The following SCARA3 variants were observed in gnomAD, a reference collection of about 807,000 sequenced individuals.
SCARA3 encodes scavenger receptor class A member 3.
In SCARA3, 39 loss-of-function variants were observed where a neutral mutation model predicts 47.0. The observed-to-expected ratio is 0.83, with a 90% CI of 0.64 to 1.08. SCARA3 has a LOEUF of 1.08. Among genes scored for constraint, SCARA3 ranks in the 50% least tolerant of loss-of-function variants. The probability of loss-of-function intolerance (pLI) is 0.00; values close to 1 mark genes in which losing one functional copy is unlikely to be tolerated. For missense variants in SCARA3, 724 were observed against 792.3 expected (o/e 0.91, Z 1.04); for synonymous variants, 356 against 334.1 (o/e 1.07, Z -0.71).
At chr8:27,669,808 G>A (rs1278351278) in intron 5 of SCARA3, among the ~76,000 whole-genome samples, 2 of 152,214 alleles carry the variant, frequency 1.3e-5, no homozygotes, top group African/African-American at 2.4e-5. Context: ...GAAACACTCT[G>A]GGAAGAAAAC....
At chr8:27,732,831 G>T in the SCARA3 span, among the ~76,000 whole-genome samples, 1 of 152,180 alleles carries the variant, frequency 6.6e-6, no homozygotes, top group Non-Finnish European at 1.5e-5. Context: ...AGAAAAACTT[G>T]TATGTTTGTG....
At chr8:27,718,790 T>C in the SCARA3 span, among the ~76,000 whole-genome samples, 7 of 152,332 alleles carry the variant, frequency 4.6e-5, no homozygotes, top group African/African-American at 1.7e-4. Flanking sequence ...TTGCATGCGT[T>C]TATCCTCCCT....
the SCARA3 span, among the ~76,000 whole-genome samples, chr8:27,698,753 T>C: frequency 6.6e-6 from 1 of 152,172 alleles, no homozygotes; most frequent in African/African-American, 2.4e-5. Flanking sequence ...AGTAATCATT[T>C]AGCAACAGCA....
intron 1 of SCARA3, among the ~76,000 whole-genome samples, chr8:27,644,999 G>T (rs551707499): frequency 6.6e-6 from 1 of 152,340 alleles, no homozygotes; most frequent in African/African-American, 2.4e-5. Context: ...CTGCGAAGGG[G>T]AGGGGAAGTA....
At chr8:27,642,037 T>C (rs1274347795) in intron 1 of SCARA3, among the ~76,000 whole-genome samples, 2 of 152,350 alleles carry the variant, frequency 1.3e-5, no homozygotes, top group East Asian at 1.9e-4. Flanking sequence ...TAAACACAGA[T>C]TTAAATGGGC....
In SCARA3 at chr8:27,658,658, C is replaced by G; in HGVS notation, c.488C>G (p.Thr163Ser). 1 of 1,614,080 alleles carries G rather than the reference C, an allele frequency of 6.2e-7. No individual in the cohort carries two copies. Among genetic ancestry groups the G allele is most frequent in the Non-Finnish European group, 8.5e-7 (1 of 1,180,004 alleles). The stretch of plus-strand genomic sequence containing the variant: ...CAGGCCCAGGAGGTGCTCTCCACCA[C>G]CAGCAGACAAATCTCCCAGGAGATG... ...TLQAQEVLSTTSRQISQEMGS... is the reference protein window; with the variant it reads ...TLQAQEVLSTSSRQISQEMGS... The change falls in exon 5 of 6, where the codon ACC becomes AGC. Residue 163 changes from threonine (T) to serine (S), a missense_variant. By Grantham distance (58) the Thr-to-Ser change is moderately conservative. Coordinates refer to ENST00000301904, the MANE Select transcript of SCARA3 (RefSeq NM_016240.3).
chr8:27,640,136 G>T (rs1255375012), intron 1 of SCARA3, among the ~76,000 whole-genome samples: 2 of 152,154 alleles, frequency 1.3e-5, no homozygotes, highest in Non-Finnish European at 2.9e-5. Context: ...GGCAAGGGAA[G>T]GAGAAAAGAT....
chr8:27,729,602 C>T, the SCARA3 span, among the ~76,000 whole-genome samples: 2 of 151,950 alleles, frequency 1.3e-5, no homozygotes, highest in Non-Finnish European at 2.9e-5. Flanking sequence ...ACCAGCCTGG[C>T]CAACATGGTG....
the SCARA3 span, among the ~76,000 whole-genome samples, chr8:27,718,531 G>C: frequency 6.6e-6 from 1 of 152,316 alleles, no homozygotes; most frequent in East Asian, 1.9e-4. Context: ...TCGCACTCCA[G>C]CTCCATGGTT....
intron 1 of SCARA3, among the ~76,000 whole-genome samples, chr8:27,645,312 C>T (rs944314678): frequency 2.0e-5 from 3 of 152,222 alleles, no homozygotes; most frequent in Non-Finnish European, 2.9e-5. Flanking sequence ...TAGGCCTTCG[C>T]CGAGGGCCAG....
At chr8:27,723,955 C>T in the SCARA3 span, among the ~76,000 whole-genome samples, 5 of 152,122 alleles carry the variant, frequency 3.3e-5, no homozygotes, top group Non-Finnish European at 7.3e-5. Flanking sequence ...AGGCTGGTCT[C>T]GAACACATAG....
At chr8:27,692,152 G>T in the SCARA3 span, among the ~76,000 whole-genome samples, 1 of 152,116 alleles carries the variant, frequency 6.6e-6, no homozygotes, top group Admixed American at 6.5e-5. Flanking sequence ...GATAGAACAG[G>T]CCATGTAAGG....
chr8:27,713,308 C>T, the SCARA3 span, among the ~76,000 whole-genome samples: 5 of 152,208 alleles, frequency 3.3e-5, no homozygotes, highest in African/African-American at 4.8e-5. Flanking sequence ...AAGAATATCA[C>T]GTAAGTGATG....
chr8:27,692,900 G>A, the SCARA3 span, among the ~76,000 whole-genome samples: 6 of 152,186 alleles, frequency 3.9e-5, no homozygotes, highest in Non-Finnish European at 1.5e-5. Flanking sequence ...CAAGGCACGT[G>A]CATCACTTGA....
chr8:27,647,976 C>T (rs933479856), intron 1 of SCARA3, among the ~76,000 whole-genome samples: 26 of 152,202 alleles, frequency 1.7e-4, no homozygotes, highest in Admixed American at 1.6e-3. Flanking sequence ...GCTCAAGATG[C>T]CCATCAATCA....
the SCARA3 span, among the ~76,000 whole-genome samples, chr8:27,691,260 T>C: frequency 1.3e-5 from 2 of 152,106 alleles, no homozygotes; most frequent in Non-Finnish European, 2.9e-5. Flanking sequence ...TCATCAGTCC[T>C]CATTAGAAAG....
chr8:27,669,833 C>A (rs191415465), intron 5 of SCARA3, among the ~76,000 whole-genome samples: 1 of 152,344 alleles, frequency 6.6e-6, no homozygotes, highest in East Asian at 1.9e-4. Flanking sequence ...AGGGGCACAG[C>A]AGAGGGCTCA....
chr8:27,659,557 G>A lies in SCARA3; in HGVS notation c.1369+18G>A, dbSNP rs1801846607. The A allele has an allele frequency of 1.9e-6, 3 of 1,574,516 alleles. No individual in the cohort carries two copies. The highest frequency in any genetic ancestry group is 2.6e-6 in the Non-Finnish European group (3 of 1,159,158). The stretch of plus-strand genomic sequence containing the variant: ...CCTACGAGGTAAGAGCTGGGTCCAG[G>A]TAGGGCTGCTACAAAGCTTCCACTG... On this transcript the variant is annotated intron_variant, in intron 5 of 5. Transcript: ENST00000301904.
chr8:27,634,547 G>A (rs1585266264), intron 1 of SCARA3, among the ~76,000 whole-genome samples: 1 of 152,304 alleles, frequency 6.6e-6, no homozygotes, highest in African/African-American at 2.4e-5. Context: ...CAACTTTCCA[G>A]CAGTGTAAAT....
Sources: allele counts gnomAD v4.1 joint callset (sites outside exome capture counted in the v4.1 genomes callset), GRCh38; gene constraint gnomAD v4.1.1; transcripts MANE v1.5; gene names NCBI Gene and HGNC (gene_info 2026-07-23, HGNC 2026-07-21).